NEB: variants seen among roughly 807,000 people sequenced by gnomAD.
NEB encodes nemaline myopathy type 2.
Under a neutral mutation model 952.2 loss-of-function variants are expected in NEB, and 512 were observed. That is an observed-to-expected ratio of 0.54 (90% CI 0.50 to 0.58). The LOEUF is 0.58. NEB is among the 20% of genes least tolerant of loss of function. The pLI, the probability that NEB is intolerant of heterozygous loss-of-function variation, is 0.00. For synonymous variants in NEB, 2,900 were observed against 3,149.8 expected (o/e 0.92, Z 2.66); for missense variants, 8,428 against 9,231.1 (o/e 0.91, Z 3.56).
At position 151,692,272 on chromosome 2, in the gene NEB, T is replaced by C; in HGVS notation, c.1987A>G (p.Asn663Asp). The C allele has an allele frequency of 6.2e-7, 1 of 1,613,774 alleles. No individual in the cohort carries two copies. Among genetic ancestry groups the C allele is most frequent in the Non-Finnish European group, 8.5e-7 (1 of 1,179,722 alleles). Residue 663 changes from asparagine to aspartate, a missense_variant, in exon 21 of 182, where the codon AAC (asparagine) becomes GAC (aspartate). Asn to Asp is a conservative substitution (Grantham distance 23). Coordinates refer to ENST00000397345, the MANE Select transcript of NEB (RefSeq NM_001164508.2). ...PKYQLDTQLK[N>D]FSEARYKDLY... Reference sequence around the variant, plus strand: ...GTGGCTTTTCGAACCTCACTGAAGTTCTTCAGCTGAGTATCAAGTTGATAT... The same window carrying C: ...GTGGCTTTTCGAACCTCACTGAAGTCCTTCAGCTGAGTATCAAGTTGATAT...
intron 3 of NEB, among the ~76,000 whole-genome samples, chr2:151,730,076 C>A (rs1488752601): frequency 1.3e-5 from 2 of 152,088 alleles, no homozygotes; most frequent in South Asian, 4.1e-4. Context: ...TAACAATAAA[C>A]TAAAACAGAA....
chr2:151,548,638 C>T (rs1051760568), intron 130 of NEB, among the ~76,000 whole-genome samples: 4 of 152,078 alleles, frequency 2.6e-5, no homozygotes, highest in Non-Finnish European at 5.9e-5. Flanking sequence ...TTTGACCTTG[C>T]CTAGGTGAAA....
Position 151,636,276 on chromosome 2 carries a change from T to C in NEB, c.9053A>G (p.Asp3018Gly). 1.2e-6 allele frequency: 2 copies of C among 1,610,314 alleles called. No individual in the cohort carries two copies. The highest frequency in any genetic ancestry group is 1.7e-6 in the Non-Finnish European group (2 of 1,179,760). ...AKKKGYDLRSDAIPIVAAKAS... is the reference protein window; with the variant it reads ...AKKKGYDLRSGAIPIVAAKAS... ...CTTGGCCGCCACGATGGGGATGGCG[T>C]CGCTTCGCAAGTCATAGCCTTTCTT... Residue 3018 changes from aspartate (D) to glycine (G), a missense_variant, in exon 64 of 182, where the codon GAC becomes GGC. Around this residue, in one of 11 missense-constraint regions of NEB, gnomAD observed 1,772 missense variants for 1,960.3 expected, o/e 0.90. Transcript: ENST00000397345.
At chr2:151,529,617 G>A (rs1007853399) in intron 145 of NEB, among the ~76,000 whole-genome samples, 3 of 150,640 alleles carry the variant, frequency 2.0e-5, no homozygotes, top group East Asian at 2.0e-4. Flanking sequence ...TGCAACCTCC[G>A]CCTCCCAGGT....
chr2:151,514,098 T>G (rs779084011), intron 159 of NEB, among the ~76,000 whole-genome samples: 17 of 152,350 alleles, frequency 1.1e-4, no homozygotes, highest in Middle Eastern at 3.4e-3. Flanking sequence ...GATAATAGAT[T>G]ATGATAACCA....
chr2:151,555,847 G>T (rs1382959135), intron 124 of NEB, among the ~76,000 whole-genome samples: 6 of 144,344 alleles, frequency 4.2e-5, no homozygotes, highest in African/African-American at 1.5e-4. Flanking sequence ...CAGCTTCAAA[G>T]ATGATGGCAT....
rs1352490120 is a variant in NEB, at chr2:151,640,454, G to A, written c.8586C>T (p.Val2862=). ...VVLAKKCQTL[V]SDVDYKNYLH... is the part of the protein sequence containing the mutation. ...GGTAGTTCTTGTAGTCCACATCGCT[G>A]ACTAAGGTCTGGCACTTCTTGGCCA... Residue 2862 remains valine, a synonymous_variant, in exon 61 of 182, where the codon GTC becomes GTT. Transcript: ENST00000397345. 1 of 1,613,956 alleles carries A rather than the reference G, an allele frequency of 6.2e-7. No individual in the cohort carries two copies. Among genetic ancestry groups the A allele is most frequent in the South Asian group, 1.1e-5 (1 of 91,082 alleles).
At chr2:151,612,121 C>T (rs554357395) in intron 78 of NEB, 65 bp downstream of exon 78, 39 of 1,530,292 alleles carry the variant, frequency 2.5e-5, no homozygotes, top group Non-Finnish European at 3.2e-5. Flanking sequence ...TAGGGAATTT[C>T]CTACTTTATG....
chr2:151,710,386 G>T (rs781685439), intron 11 of NEB, 48 bp downstream of exon 11: 6 of 1,312,978 alleles, frequency 4.6e-6, no homozygotes, highest in South Asian at 1.3e-5. Flanking sequence ...ACTAAGGAAA[G>T]GGGTCTCCCT....
Position 151,541,527 on chromosome 2 carries a change from T to G in NEB, c.20602A>C (p.Lys6868Gln), listed in dbSNP as rs753234017. The part of the protein sequence containing the change: ...SELVYRAAGK[K>Q]QKSIFTSVPD... ...ACTGAAGTAAAGATTGACTTCTGCTTCTTGCCTGCAGCTCTGTAGACCAGC... is the reference window on the plus strand; with the variant it reads ...ACTGAAGTAAAGATTGACTTCTGCTGCTTGCCTGCAGCTCTGTAGACCAGC... Residue 6868 changes from lysine to glutamine, a missense_variant, in exon 136 of 182, where the codon AAG (lysine) becomes CAG (glutamine). Physicochemically the swap from Lys to Gln is moderately conservative, Grantham distance 53. This residue lies in a region of NEB where 3,374 missense variants were observed against 3,651.5 expected (regional missense o/e 0.92). Transcript: ENST00000397345. 6.8e-6 allele frequency: 11 copies of G among 1,613,548 alleles called. No homozygotes were observed. Among genetic ancestry groups the G allele is most frequent in the South Asian group, 1.1e-5 (1 of 91,038 alleles).
At chr2:151,710,651 A>T in intron 10 of NEB, 113 bp from the exon 11 acceptor site, 1 of 637,560 alleles carries the variant, frequency 1.6e-6, no homozygotes, top group Non-Finnish European at 2.5e-6. Context: ...AGCCATTCTT[A>T]GGTCCTTAAT....
chr2:151,489,047 C>G (rs2152738989), intron 181 of NEB, among the ~76,000 whole-genome samples: 1 of 152,216 alleles, frequency 6.6e-6, no homozygotes, highest in East Asian at 1.9e-4. Context: ...AGGGTTAGCA[C>G]AGTTTCTTTA....
intron 84 of NEB, among the ~76,000 whole-genome samples, chr2:151,605,431 G>C (rs1456105657): frequency 9.5e-6 from 1 of 104,740 alleles, no homozygotes; most frequent in Non-Finnish European, 2.5e-5. Flanking sequence ...GTGTGGTTTT[G>C]GAAACAGATA....
intron 73 of NEB, among the ~76,000 whole-genome samples, 159 bp from the exon 74 acceptor site, chr2:151,618,637 AT>A (rs1197637239): frequency 1.3e-5 from 2 of 151,550 alleles, no homozygotes; most frequent in African/African-American, 4.8e-5. Context: ...TCCTAAGTGT[AT>A]TTTTTTTTCT....
At chr2:151,531,657 A>G (rs1197876253) in intron 144 of NEB, 135 bp downstream of exon 144, 1 of 705,280 alleles carries the variant, frequency 1.4e-6, no homozygotes, top group African/African-American at 1.8e-5. Context: ...TGTGCATAAC[A>G]GGACATCTCG....
rs1163462201 is a variant in NEB, at chr2:151,562,695, A to G, written c.18807T>C (p.Tyr6269=). The G allele has an allele frequency of 6.2e-7, 1 of 1,606,890 alleles. No homozygotes were observed. Among genetic ancestry groups the G allele is most frequent in the Admixed American group, 1.7e-5 (1 of 59,608 alleles). ...ACGTCCACTGGTGGAAATAGTGTCGATACTCCAGGTCACTGAGGATGTACT... is the reference window on the plus strand; with the variant it reads ...ACGTCCACTGGTGGAAATAGTGTCGGTACTCCAGGTCACTGAGGATGTACT... ...RCQYILSDLE[Y]RHYFHQWTSL... Residue 6269 remains tyrosine, a synonymous_variant, in exon 120 of 182, where the codon TAT becomes TAC. Coordinates refer to ENST00000397345, the MANE Select transcript of NEB (RefSeq NM_001164508.2).
rs767580883 is a variant in NEB, at chr2:151,667,830, T to C, written c.4693A>G (p.Lys1565Glu). Residue 1565 changes from lysine (K) to glutamate (E), a missense_variant, in exon 40 of 182, where the codon AAA (lysine) becomes GAA (glutamate). By Grantham distance (56) the Lys-to-Glu change is moderately conservative. This residue lies in a region of NEB where 2,851 missense variants were observed against 2,791.5 expected (regional missense o/e 1.02). Coordinates refer to ENST00000397345, the MANE Select transcript of NEB (RefSeq NM_001164508.2). ...RPDAIPIVAAKSSRNIASDCK... is the reference protein window; with the variant it reads ...RPDAIPIVAAESSRNIASDCK... ...TCACTAGCAATATTCCTTGAACTTT[T>C]TGCAGCAACAATTGGGATGGCATCT... The C allele has an allele frequency of 6.8e-6, 11 of 1,612,492 alleles. No homozygotes were observed. Among genetic ancestry groups the C allele is most frequent in the Non-Finnish European group, 7.6e-6 (9 of 1,178,872 alleles).
chr2:151,650,790 T>A lies in NEB; in HGVS notation c.7011A>T (p.Val2337=). ...ATTCTCTTTCACTCTGCATTTTGGC[T>A]ACATTCATGGACAACACAAGTTTTG... ...DDPKLVLSMN[V]AKMQSEREYK... The change falls in exon 53 of 182, where the codon GTA becomes GTT. Residue 2337 remains valine, a synonymous_variant. Coordinates refer to ENST00000397345, the MANE Select transcript of NEB (RefSeq NM_001164508.2). 2 of 1,613,978 alleles carry A rather than the reference T, an allele frequency of 1.2e-6. No homozygotes were observed. The highest frequency in any genetic ancestry group is 2.2e-5 in the South Asian group (2 of 91,078).
At chr2:151,529,406 T>C in intron 145 of NEB, 92 bp from the exon 146 acceptor site, 1 of 813,408 alleles carries the variant, frequency 1.2e-6, no homozygotes, top group Non-Finnish European at 2.1e-6. Flanking sequence ...TGCATGACTA[T>C]AGTACACAAT....
Sources: allele counts gnomAD v4.1 joint callset (sites outside exome capture counted in the v4.1 genomes callset), GRCh38; gene constraint gnomAD v4.1.1; regional missense constraint gnomAD v4.1.1; transcripts MANE v1.5; gene names NCBI Gene and HGNC (gene_info 2026-07-23, HGNC 2026-07-21).